Variants in CADM2 observed in about 807,000 individuals in gnomAD.
CADM2 encodes the protein cell adhesion molecule 2.
Under a neutral mutation model 49.8 loss-of-function variants are expected in CADM2, and 12 were observed. The ratio of observed to expected loss-of-function variants is 0.24; its 90% CI spans 0.15 to 0.39. The LOEUF is 0.39. Among genes scored for constraint, CADM2 ranks in the 10% least tolerant of loss-of-function variants. The pLI is 1.00. For missense variants in CADM2, 378 were observed against 492.3 expected (o/e 0.77, Z 2.20); for synonymous variants, 214 against 175.4 (o/e 1.22, Z -1.74).
At chr3:85,384,357 C>A (rs1486111562) in intron 1 of CADM2, among the ~76,000 whole-genome samples, 1 of 151,828 alleles carries the variant, frequency 6.6e-6, no homozygotes, top group Admixed American at 6.6e-5. Flanking sequence ...GTTCTTGTTG[C>A]CCACGGTGGA....
At chr3:85,731,969 C>T (rs781612048) in intron 2 of CADM2, among the ~76,000 whole-genome samples, 32 of 151,160 alleles carry the variant, frequency 2.1e-4, no homozygotes, top group Non-Finnish European at 4.0e-4. Context: ...AAAAGTGGGC[C>T]GGGTGTGATG....
At position 85,113,686 on chromosome 3, in the gene CADM2, GT is replaced by G. The variant is rs5850669; in HGVS notation, c.61+154031del. On this transcript the variant is annotated intron_variant, in intron 1 of 9. Coordinates refer to ENST00000383699, the MANE Select transcript of CADM2 (RefSeq NM_001167675.2). ...ATTTATTGCTTTTTTTTATTCATTC[GT>G]TTTTTTTTTTTTGTGCTATAGGCAA... Among the ~76,000 whole-genome samples, 317 of 136,538 alleles carry G rather than the reference GT, an allele frequency of 2.3e-3. 1 individual carries two copies. The highest frequency in any genetic ancestry group is 5.4e-3 in the African/African-American group (202 of 37,422). 89.6% of individuals were successfully genotyped at this position (136,538 alleles called of 152,430 possible). A position where few individuals can be genotyped will look rare whatever the true frequency, so the allele number is the denominator to read the frequency against.
intron 1 of CADM2, among the ~76,000 whole-genome samples, chr3:85,312,600 A>G (rs1243799794): frequency 2.0e-5 from 3 of 152,162 alleles, no homozygotes; most frequent in African/African-American, 7.2e-5. Flanking sequence ...GGTAAACAGT[A>G]GCAAAAGACA....
chr3:85,668,012 G>A (rs1415392364), intron 1 of CADM2, among the ~76,000 whole-genome samples: 1 of 151,852 alleles, frequency 6.6e-6, no homozygotes, highest in Non-Finnish European at 1.5e-5. Context: ...TAACATTGTT[G>A]ACTCATAGTA....
chr3:85,972,207 T>C lies in CADM2; in HGVS notation c.970+10560T>C, dbSNP rs560679504. Among the ~76,000 whole-genome samples the C allele has an allele frequency of 1.4e-4, 21 of 151,796 alleles. No homozygotes were observed. The South Asian group carries it at 4.4e-3, about 31-fold the overall frequency. On this transcript the variant is annotated intron_variant, in intron 8 of 9. Transcript: ENST00000383699. The stretch of plus-strand genomic sequence containing the variant: ...GGGAGCAGATAAATGTCCTTCTTTT[T>C]TTGTACAGGCAAAAGCAAATAAAGT...
intron 1 of CADM2, among the ~76,000 whole-genome samples, chr3:85,242,159 T>C (rs1402737271): frequency 1.3e-5 from 2 of 151,222 alleles, no homozygotes; most frequent in African/African-American, 2.4e-5. Context: ...TTTTCTGGTA[T>C]AAAACTTTTC....
intron 1 of CADM2, among the ~76,000 whole-genome samples, chr3:85,522,020 G>A (rs2061036222): frequency 1.3e-5 from 2 of 152,034 alleles, no homozygotes; most frequent in South Asian, 4.2e-4. Flanking sequence ...TGGGTTTGGG[G>A]AAATAACCCT....
intron 1 of CADM2, among the ~76,000 whole-genome samples, chr3:85,548,390 G>A (rs145692274): frequency 4.6e-5 from 7 of 151,842 alleles, no homozygotes; most frequent in South Asian, 2.1e-4. Context: ...GTTTTAGCCT[G>A]TGGCTTTGCC....
chr3:85,306,807 GTTTA>G (rs144184818), intron 1 of CADM2, among the ~76,000 whole-genome samples: 254 of 151,790 alleles, frequency 1.7e-3, no homozygotes, highest in African/African-American at 5.7e-3. Context: ...CACACAAGGT[GTTTA>G]TTTTTTATTT....
chr3:85,498,340 C>T (rs915234650), intron 1 of CADM2, among the ~76,000 whole-genome samples: 2 of 152,154 alleles, frequency 1.3e-5, no homozygotes, highest in Non-Finnish European at 2.9e-5. Flanking sequence ...AAGCTCCCTT[C>T]AGGCATGAGC....
Position 85,622,786 on chromosome 3 carries a change from G to T in CADM2, c.62-103736G>T, listed in dbSNP as rs115200402. On this transcript the variant is annotated intron_variant, in intron 1 of 9. Coordinates refer to ENST00000383699, the MANE Select transcript of CADM2 (RefSeq NM_001167675.2). The stretch of plus-strand genomic sequence containing the variant: ...ACTTATTTGTAGCCACTGTTGGTTA[G>T]CTATTTCACCAGTAATATGTAATAA... Among the ~76,000 whole-genome samples the T allele has an allele frequency of 8.9e-3, 1,362 of 152,218 alleles. 29 individuals carry two copies. The highest frequency in any genetic ancestry group is 0.031 in the African/African-American group (1,306 of 41,534).
At chr3:85,073,351 A>G (rs1218754133) in intron 1 of CADM2, among the ~76,000 whole-genome samples, 1 of 152,198 alleles carries the variant, frequency 6.6e-6, no homozygotes, top group Admixed American at 6.6e-5. Context: ...GGAAGACAAT[A>G]AAGTACACTT....
chr3:85,236,056 C>T (rs1576182259), intron 1 of CADM2, among the ~76,000 whole-genome samples: 1 of 152,072 alleles, frequency 6.6e-6, no homozygotes, highest in African/African-American at 2.4e-5. Context: ...TTCTGTTATG[C>T]CGCCTCACAA....
At chr3:85,163,119 A>T (rs2040377301) in intron 1 of CADM2, among the ~76,000 whole-genome samples, 5 of 152,064 alleles carry the variant, frequency 3.3e-5, no homozygotes, top group Admixed American at 3.3e-4. Flanking sequence ...TGTCATATTC[A>T]ATTATAACAG....
chr3:85,600,447 T>C (rs184960831), intron 1 of CADM2, among the ~76,000 whole-genome samples: 2 of 152,046 alleles, frequency 1.3e-5, no homozygotes, highest in East Asian at 3.9e-4. Flanking sequence ...GTAAATTAAT[T>C]ACACCTAATG....
chr3:85,049,116 G>A (rs1320078093), intron 1 of CADM2, among the ~76,000 whole-genome samples: 1 of 152,042 alleles, frequency 6.6e-6, no homozygotes, highest in African/African-American at 2.4e-5. Context: ...ATTCCGATGA[G>A]GATAATGGCT....
chr3:85,789,893 T>G (rs1408226017), intron 2 of CADM2, among the ~76,000 whole-genome samples: 2 of 152,178 alleles, frequency 1.3e-5, no homozygotes, highest in Non-Finnish European at 2.9e-5. Context: ...TAGAAAGAAT[T>G]GACTTTGTAC....
In CADM2 at chr3:86,065,622, G is replaced by T; in HGVS notation, c.988G>T (p.Gly330Cys). 1 of 1,612,916 alleles carries T rather than the reference G, an allele frequency of 6.2e-7. No homozygotes were observed. The highest frequency in any genetic ancestry group is 8.5e-7 in the Non-Finnish European group (1 of 1,179,506). Residue 330 changes from glycine to cysteine, a missense_variant, in exon 9 of 10, where the codon GGC (glycine) becomes TGC (cysteine). By Grantham distance (159) the Gly-to-Cys change is radical. Coordinates refer to ENST00000383699, the MANE Select transcript of CADM2 (RefSeq NM_001167675.2). ...LIVHDPNALAGQNGPDHALIG... is the reference protein window; with the variant it reads ...LIVHDPNALACQNGPDHALIG... ...TTTTCCAGATCCTAATGCTTTGGCTGGCCAGAATGGCCCTGACCATGCTCT... is the reference window on the plus strand; with the variant it reads ...TTTTCCAGATCCTAATGCTTTGGCTTGCCAGAATGGCCCTGACCATGCTCT...
chr3:85,304,177 T>G (rs1013229850), intron 1 of CADM2, among the ~76,000 whole-genome samples: 1 of 151,764 alleles, frequency 6.6e-6, no homozygotes, highest in African/African-American at 2.4e-5. Flanking sequence ...ACATGAAAAA[T>G]ACATATCTGA....
Sources: gnomAD v4.1 joint callset for allele counts (sites outside exome capture counted in the v4.1 genomes callset) on GRCh38, gnomAD v4.1.1 for gene constraint, MANE v1.5 for transcripts, NCBI Gene and HGNC (gene_info 2026-07-23, HGNC 2026-07-21) for gene names.